Variants in CTNNA3 observed in about 807,000 individuals in gnomAD.
CTNNA3 encodes the protein catenin alpha-3.
CTNNA3 carries 76 observed loss-of-function variants against 95.7 expected under a neutral mutation model. The observed-to-expected ratio is 0.79, with a 90% CI of 0.66 to 0.96. The LOEUF (loss-of-function observed/expected upper bound fraction) is 0.96, where lower values mean the gene tolerates loss of function less well. CTNNA3 is among the 40% of genes least tolerant of loss of function. CTNNA3 has a pLI of 0.00. For missense variants in CTNNA3, 1,191 were observed against 1,089.8 expected, an observed-to-expected ratio of 1.09 and a Z score of -1.31; for synonymous variants, 431 against 374.4, an observed-to-expected ratio of 1.15 and a Z score of -1.74.
At chr10:66,630,790 T>C (rs10762079) in intron 9 of CTNNA3, among the ~76,000 whole-genome samples, 56,732 of 151,930 alleles carry the variant, frequency 0.37, 10,787 homozygotes, top group Middle Eastern at 0.5. Flanking sequence ...GAATTATGGG[T>C]TCTGTAGAAT....
intron 1 of CTNNA3, among the ~76,000 whole-genome samples, chr10:67,682,541 A>G (rs4746695): frequency 0.24 from 35,779 of 151,962 alleles, 5,006 homozygotes; most frequent in East Asian, 0.51. Context: ...TTTAAGTGTT[A>G]GGAACATAAG....
intron 7 of CTNNA3, among the ~76,000 whole-genome samples, chr10:66,852,314 C>T (rs1416831469): frequency 6.6e-6 from 1 of 152,034 alleles, no homozygotes; most frequent in East Asian, 1.9e-4. Context: ...TCTGACACCC[C>T]TCATATTTCT....
intron 11 of CTNNA3, among the ~76,000 whole-genome samples, chr10:66,383,388 G>T (rs183712900): frequency 1.3e-5 from 2 of 151,944 alleles, no homozygotes; most frequent in African/African-American, 4.8e-5. Context: ...AGAAGACAAG[G>T]TTAGACAAAA....
intron 7 of CTNNA3, among the ~76,000 whole-genome samples, chr10:66,804,533 T>C (rs1472059401): frequency 6.6e-6 from 1 of 152,068 alleles, no homozygotes; most frequent in East Asian, 1.9e-4. Context: ...ATTTTGCCTT[T>C]TTTCTTTGAA....
intron 5 of CTNNA3, among the ~76,000 whole-genome samples, chr10:67,430,035 G>A (rs1846057777): frequency 6.6e-6 from 1 of 152,042 alleles, no homozygotes. Flanking sequence ...TTTATTTTTG[G>A]TGAGAAGAGT....
intron 14 of CTNNA3, among the ~76,000 whole-genome samples, chr10:66,088,679 CA>C (rs1210462054): frequency 3.9e-5 from 6 of 152,162 alleles, no homozygotes; most frequent in Admixed American, 3.9e-4. Context: ...GGTATCTCCA[CA>C]AAGTGTTTGA....
chr10:67,617,363 T>A (rs1843689210), intron 2 of CTNNA3, among the ~76,000 whole-genome samples: 1 of 152,258 alleles, frequency 6.6e-6, no homozygotes, highest in African/African-American at 2.4e-5. Context: ...TATTTGGTTT[T>A]CTGTTCCTGC....
chr10:66,583,483 G>A (rs1389654788), intron 10 of CTNNA3, among the ~76,000 whole-genome samples: 1 of 151,770 alleles, frequency 6.6e-6, no homozygotes, highest in Non-Finnish European at 1.5e-5. Flanking sequence ...GCTCTTCACA[G>A]TAGTCCCAAA....
At chr10:67,760,277 C>T (rs1841455461) in intron 1 of CTNNA3, among the ~76,000 whole-genome samples, 1 of 152,172 alleles carries the variant, frequency 6.6e-6, no homozygotes, top group Non-Finnish European at 1.5e-5. Context: ...ACATTCAACT[C>T]GTGACTCTTC....
intron 13 of CTNNA3, among the ~76,000 whole-genome samples, chr10:66,213,850 C>T (rs988283818): frequency 1.3e-5 from 2 of 152,262 alleles, no homozygotes; most frequent in African/African-American, 2.4e-5. Context: ...GCTTTGGCCC[C>T]TAGCCATACC....
At chr10:66,352,888 G>A (rs1398250720) in intron 12 of CTNNA3, among the ~76,000 whole-genome samples, 5 of 152,006 alleles carry the variant, frequency 3.3e-5, no homozygotes, top group African/African-American at 9.7e-5. Flanking sequence ...TTATCTTGGG[G>A]AGGCAGACTG....
At chr10:66,770,893 C>G (rs1840062604) in intron 8 of CTNNA3, among the ~76,000 whole-genome samples, 2 of 151,590 alleles carry the variant, frequency 1.3e-5, no homozygotes, top group Admixed American at 6.6e-5. Context: ...AAATTAAAAG[C>G]CATTTTAATT....
chr10:66,532,373 A>G (rs887995032), intron 10 of CTNNA3, among the ~76,000 whole-genome samples: 1 of 151,978 alleles, frequency 6.6e-6, no homozygotes, highest in Admixed American at 6.6e-5. Flanking sequence ...GAGGCAGGAG[A>G]ATGGCATGAA....
intron 5 of CTNNA3, among the ~76,000 whole-genome samples, chr10:67,419,355 T>G (rs948741664): frequency 1.3e-5 from 2 of 152,210 alleles, no homozygotes; most frequent in Non-Finnish European, 1.5e-5. Context: ...ATTTTTAAAT[T>G]TATTTTTAAT....
At chr10:66,650,944 C>CG in intron 9 of CTNNA3, among the ~76,000 whole-genome samples, 1 of 152,268 alleles carries the variant, frequency 6.6e-6, no homozygotes, top group South Asian at 2.1e-4. Context: ...ACCGCTGGCT[C>CG]GGGCAGCCTC....
intron 13 of CTNNA3, among the ~76,000 whole-genome samples, chr10:66,129,467 G>T (rs1181849932): frequency 6.6e-6 from 1 of 152,140 alleles, no homozygotes; most frequent in Non-Finnish European, 1.5e-5. Context: ...GGGATTGTCT[G>T]TAGTGCAGCA....
chr10:67,430,261 C>T (rs1171348406), intron 5 of CTNNA3, among the ~76,000 whole-genome samples: 1 of 151,924 alleles, frequency 6.6e-6, no homozygotes, highest in Non-Finnish European at 1.5e-5. Flanking sequence ...CAGTTGGTTC[C>T]TAGAAAAGTG....
chr10:66,210,039 T>C (rs141952710), intron 13 of CTNNA3, among the ~76,000 whole-genome samples: 44 of 152,142 alleles, frequency 2.9e-4, no homozygotes, highest in African/African-American at 1.0e-3. Context: ...ACAGTAAATA[T>C]ATTGCTGAAC....
chr10:67,636,426 A>G (rs55820462), intron 2 of CTNNA3, among the ~76,000 whole-genome samples: 20,103 of 152,244 alleles, frequency 0.13, 1,432 homozygotes, highest in Non-Finnish European at 0.16. Context: ...ACTATACTAC[A>G]GGGCTACAGT....
Sources: gnomAD v4.1 joint callset for allele counts (sites outside exome capture counted in the v4.1 genomes callset) on GRCh38, gnomAD v4.1.1 for gene constraint, MANE v1.5 for transcripts, NCBI Gene and HGNC (gene_info 2026-07-23, HGNC 2026-07-21) for gene names.